The following SMIM31 variants were observed in gnomAD, a reference collection of about 807,000 sequenced individuals.
SMIM31 encodes small integral membrane protein 31.
intron 1 of SMIM31, among the ~76,000 whole-genome samples, chr4:164,763,884 G>C (rs1732683864): frequency 2.6e-5 from 4 of 152,108 alleles, no homozygotes; most frequent in Admixed American, 1.3e-4. Flanking sequence ...CAATAAAATT[G>C]GGAGGAAAAA....
chr4:164,797,382 A>G (rs186935868), intron 2 of SMIM31, among the ~76,000 whole-genome samples: 88 of 152,230 alleles, frequency 5.8e-4, no homozygotes, highest in Admixed American at 1.1e-3. Flanking sequence ...GACCAATAGA[A>G]TATAGATATA....
At chr4:164,773,911 A>T (rs1366243839) in intron 2 of SMIM31, among the ~76,000 whole-genome samples, 2 of 152,198 alleles carry the variant, frequency 1.3e-5, no homozygotes, top group Non-Finnish European at 2.9e-5. Flanking sequence ...TCACGCCTGT[A>T]ATCCCAGCAC....
chr4:164,772,343 C>T (rs1466559194), intron 2 of SMIM31, among the ~76,000 whole-genome samples: 8 of 152,120 alleles, frequency 5.3e-5, no homozygotes, highest in African/African-American at 1.9e-4. Flanking sequence ...ACTGCCCCCA[C>T]GATCCAATCA....
At chr4:164,773,646 G>C (rs1321055230) in intron 2 of SMIM31, among the ~76,000 whole-genome samples, 1 of 152,152 alleles carries the variant, frequency 6.6e-6, no homozygotes, top group Non-Finnish European at 1.5e-5. Context: ...AACACGTGGG[G>C]ATTATGAGCA....
chr4:164,772,664 C>T (rs532877204), intron 2 of SMIM31, among the ~76,000 whole-genome samples: 2 of 151,206 alleles, frequency 1.3e-5, no homozygotes, highest in South Asian at 2.1e-4. Flanking sequence ...CTGCAAGCTC[C>T]GCCTCCCGGG....
chr4:164,791,527 G>GT (rs1267661099), intron 2 of SMIM31, among the ~76,000 whole-genome samples: 1 of 151,750 alleles, frequency 6.6e-6, no homozygotes, highest in African/African-American at 2.4e-5. Context: ...TGGAGATGGG[G>GT]TTTTCACTAC....
rs1022312118 is a variant in SMIM31, at chr4:164,803,448, G to A, written c.*2254G>A. Reference sequence around the variant, plus strand: ...ATAAAAAATTTTAAAAACCTGTCAAGTTAGATGTTAAAGAGGACATGTAAA... The same window carrying A: ...ATAAAAAATTTTAAAAACCTGTCAAATTAGATGTTAAAGAGGACATGTAAA... On this transcript the variant is annotated 3_prime_UTR_variant, in exon 3 of 3. Transcript: ENST00000507311. The A allele has an allele frequency of 7.9e-5, 12 of 152,190 alleles. No homozygotes were observed. Among genetic ancestry groups the A allele is most frequent in the African/African-American group, 2.4e-4 (10 of 41,518 alleles). 9.4% of individuals were successfully genotyped at this position (152,190 alleles called of 1,614,324 possible). A position where few individuals can be genotyped will look rare whatever the true frequency, so the allele number is the denominator to read the frequency against.
intron 1 of SMIM31, among the ~76,000 whole-genome samples, chr4:164,760,727 G>A (rs185115472): frequency 2.4e-5 from 3 of 123,232 alleles, no homozygotes; most frequent in Admixed American, 9.0e-5. Flanking sequence ...ACAGAAGAGT[G>A]AGACTCCACC....
Position 164,803,581 on chromosome 4 carries a change from G to A in SMIM31, c.*2387G>A, listed in dbSNP as rs776623134. 3 of 152,116 alleles carry A rather than the reference G, an allele frequency of 2.0e-5. No individual in the cohort carries two copies. The highest frequency in any genetic ancestry group is 7.2e-5 in the African/African-American group (3 of 41,392). The allele number at this position is 152,116 out of a possible 1,614,324, so 9.4% of individuals were successfully genotyped here. On this transcript the variant is annotated 3_prime_UTR_variant, in exon 3 of 3. Transcript: ENST00000507311. Reference sequence around the variant, plus strand: ...AAGCCGAGGTGGGTGGATCACCTGAGGTCAAGAGTTAGAGACCAGCCTGGC... The same window carrying A: ...AAGCCGAGGTGGGTGGATCACCTGAAGTCAAGAGTTAGAGACCAGCCTGGC...
intron 2 of SMIM31, among the ~76,000 whole-genome samples, chr4:164,773,029 TAAAAAAAA>T (rs56863708): frequency 1.3e-5 from 1 of 76,660 alleles, no homozygotes; most frequent in Non-Finnish European, 2.4e-5. Context: ...CACTTGGCTT[TAAAAAAAA>T]AAAAAAAAAA....
At chr4:164,797,339 AAG>A (rs1246732761) in intron 2 of SMIM31, among the ~76,000 whole-genome samples, 1 of 152,172 alleles carries the variant, frequency 6.6e-6, no homozygotes, top group African/African-American at 2.4e-5. Context: ...TATGGGAAGA[AAG>A]AGTATATTAG....
At chr4:164,784,451 A>G (rs757612381) in intron 2 of SMIM31, among the ~76,000 whole-genome samples, 1 of 152,210 alleles carries the variant, frequency 6.6e-6, no homozygotes, top group Non-Finnish European at 1.5e-5. Flanking sequence ...TCATTTGATG[A>G]GTATAAGAAA....
intron 1 of SMIM31, among the ~76,000 whole-genome samples, chr4:164,765,815 AT>A (rs1467580186): frequency 6.6e-6 from 1 of 152,064 alleles, no homozygotes; most frequent in African/African-American, 2.4e-5. Flanking sequence ...AAAACACTAA[AT>A]TCCCACTGCC....
At chr4:164,758,975 T>G (rs143833338) in intron 1 of SMIM31, among the ~76,000 whole-genome samples, 2 of 151,794 alleles carry the variant, frequency 1.3e-5, no homozygotes, top group East Asian at 3.9e-4. Context: ...GCCTCATATA[T>G]GTAGTTTTTC....
intron 2 of SMIM31, among the ~76,000 whole-genome samples, chr4:164,774,921 C>A (rs928300395): frequency 6.6e-5 from 10 of 151,824 alleles, no homozygotes; most frequent in African/African-American, 2.2e-4. Flanking sequence ...AGAATGATAT[C>A]CTCAACAGTG....
intron 2 of SMIM31, among the ~76,000 whole-genome samples, chr4:164,794,991 T>C (rs1733170825): frequency 2.6e-5 from 4 of 152,062 alleles, no homozygotes; most frequent in Admixed American, 6.5e-5. Flanking sequence ...TAGAAAAGAA[T>C]AACTTTCACT....
At chr4:164,771,808 CA>C in intron 2 of SMIM31, among the ~76,000 whole-genome samples, 1 of 151,686 alleles carries the variant, frequency 6.6e-6, no homozygotes, top group African/African-American at 2.4e-5. Flanking sequence ...GACTCTGTCT[CA>C]AAAAACAAAA....
At chr4:164,754,933 T>C (rs868013331) in intron 1 of SMIM31, among the ~76,000 whole-genome samples, 7 of 151,366 alleles carry the variant, frequency 4.6e-5, no homozygotes, top group Non-Finnish European at 1.0e-4. Flanking sequence ...CTGAGTATGA[T>C]AGAAATATTT....
At chr4:164,760,738 TAAAAAAAAAAAAAA>T (rs60710008) in intron 1 of SMIM31, among the ~76,000 whole-genome samples, 19 of 86,248 alleles carry the variant, frequency 2.2e-4, no homozygotes, top group African/African-American at 8.7e-4. Flanking sequence ...AGACTCCACC[TAAAAAAAAAAAAAA>T]AAAAAAAAAG....
Sources: gnomAD v4.1 joint callset for allele counts (sites outside exome capture counted in the v4.1 genomes callset) on GRCh38, gnomAD v4.1.1 for gene constraint, MANE v1.5 for transcripts, NCBI Gene and HGNC (gene_info 2026-07-23, HGNC 2026-07-21) for gene names.